The following GRID1 variants were observed in gnomAD, a reference collection of about 807,000 sequenced individuals.
The protein encoded by GRID1 is glutamate receptor ionotropic, delta-1.
GRID1 carries 28 observed loss-of-function variants against 98.0 expected under a neutral mutation model. The ratio of observed to expected loss-of-function variants is 0.29; its 90% CI spans 0.21 to 0.39. The LOEUF (loss-of-function observed/expected upper bound fraction) is 0.39. GRID1 is among the 10% of genes least tolerant of loss of function. GRID1 has a pLI of 1.00. For missense variants in GRID1, 1,111 were observed against 1,340.5 expected (o/e 0.83, Z 2.67); for synonymous variants, 553 against 538.5 (o/e 1.03, Z -0.37).
rs192310641 is a variant in GRID1, at chr10:85,860,180, A to G, written c.952-3990T>C. On this transcript the variant is annotated intron_variant, in intron 6 of 15. Transcript: ENST00000327946. ...TCCTTGCCTCCCTCCCTCATATTGT[A>G]GGTTATGCACAGTACAGAGTCCATT... Among the ~76,000 whole-genome samples the G allele has an allele frequency of 1.7e-4, 26 of 152,280 alleles. No homozygotes were observed. The East Asian group carries it at 4.4e-3, about 26-fold the overall frequency.
chr10:86,056,462 G>A (rs1414663524), intron 4 of GRID1, among the ~76,000 whole-genome samples: 1 of 152,088 alleles, frequency 6.6e-6, no homozygotes, highest in East Asian at 1.9e-4. Context: ...TCCAACCCGT[G>A]TCCCAAGGGT....
intron 2 of GRID1, among the ~76,000 whole-genome samples, chr10:86,324,957 A>G (rs1848026780): frequency 6.6e-6 from 1 of 152,218 alleles, no homozygotes; most frequent in Non-Finnish European, 1.5e-5. Context: ...TCAAGGTGGA[A>G]GCACTCAAAG....
intron 12 of GRID1, chr10:85,709,145 G>A: frequency 3.0e-6 from 1 of 333,618 alleles, no homozygotes; most frequent in South Asian, 3.4e-5. Context: ...AGGTGCTGCA[G>A]AGCATTCTTG....
chr10:85,639,789 C>G (rs1843093487), intron 13 of GRID1, among the ~76,000 whole-genome samples: 1 of 152,222 alleles, frequency 6.6e-6, no homozygotes, highest in Non-Finnish European at 1.5e-5. Context: ...AGGAGAATCG[C>G]TTGAACCTGG....
chr10:85,658,777 T>C (rs1209777966), intron 12 of GRID1, among the ~76,000 whole-genome samples: 4 of 152,060 alleles, frequency 2.6e-5, no homozygotes, highest in African/African-American at 4.8e-5. Flanking sequence ...AATGGACATA[T>C]AGAAGAGAGA....
chr10:86,211,157 A>G (rs1354782561), intron 2 of GRID1, among the ~76,000 whole-genome samples: 1 of 152,234 alleles, frequency 6.6e-6, no homozygotes, highest in Non-Finnish European at 1.5e-5. Context: ...GTGGACAGCC[A>G]TTCATGCTGC....
At chr10:86,335,169 G>C (rs1363949036) in intron 2 of GRID1, among the ~76,000 whole-genome samples, 1 of 152,244 alleles carries the variant, frequency 6.6e-6, no homozygotes, top group African/African-American at 2.4e-5. Context: ...GCTCCTCCGA[G>C]TTGATTTGCA....
At chr10:85,683,118 A>G (rs1841229591) in intron 12 of GRID1, among the ~76,000 whole-genome samples, 1 of 152,164 alleles carries the variant, frequency 6.6e-6, no homozygotes, top group African/African-American at 2.4e-5. Flanking sequence ...AGAAATTATA[A>G]CAGAGCTTCC....
chr10:86,263,691 CTATT>C (rs1847058059), intron 2 of GRID1, among the ~76,000 whole-genome samples: 1 of 152,160 alleles, frequency 6.6e-6, no homozygotes, highest in Non-Finnish European at 1.5e-5. Flanking sequence ...AATTGAGTCA[CTATT>C]TATAAAGTGC....
At chr10:86,147,020 T>A (rs1229168892) in intron 3 of GRID1, among the ~76,000 whole-genome samples, 1 of 152,136 alleles carries the variant, frequency 6.6e-6, no homozygotes, top group African/African-American at 2.4e-5. Context: ...CATCATAGGG[T>A]GACAAGGTCC....
intron 4 of GRID1, among the ~76,000 whole-genome samples, chr10:85,954,695 A>G (rs1250372447): frequency 6.6e-6 from 1 of 152,222 alleles, no homozygotes; most frequent in Non-Finnish European, 1.5e-5. Context: ...ACTTGTCCTT[A>G]TACAGCCTCC....
chr10:86,210,502 G>A (rs540652137), intron 2 of GRID1, among the ~76,000 whole-genome samples: 56 of 152,334 alleles, frequency 3.7e-4, no homozygotes, highest in Admixed American at 6.5e-4. Flanking sequence ...CTGAACAGAT[G>A]TCAGCCTCCT....
chr10:86,118,132 C>G (rs1844612788), intron 4 of GRID1, among the ~76,000 whole-genome samples: 1 of 152,072 alleles, frequency 6.6e-6, no homozygotes, highest in South Asian at 2.1e-4. Flanking sequence ...ACACACATCA[C>G]CATGGAATAC....
At chr10:86,021,522 A>AAGGAC (rs969349964) in intron 4 of GRID1, among the ~76,000 whole-genome samples, 6 of 151,942 alleles carry the variant, frequency 3.9e-5, no homozygotes, top group African/African-American at 1.5e-4. Context: ...TGTTTTTTAA[A>AAGGAC]AGGACTTCAT....
intron 4 of GRID1, among the ~76,000 whole-genome samples, chr10:85,924,077 G>T (rs1178671784): frequency 6.6e-6 from 1 of 152,148 alleles, no homozygotes; most frequent in Non-Finnish European, 1.5e-5. Context: ...ACAGCACCTG[G>T]CAGACAGTGA....
intron 4 of GRID1, among the ~76,000 whole-genome samples, chr10:86,002,806 G>A (rs1030767009): frequency 2.0e-5 from 3 of 152,180 alleles, no homozygotes; most frequent in African/African-American, 7.2e-5. Context: ...TTCCTCCATT[G>A]GTTTGTTTAT....
intron 4 of GRID1, among the ~76,000 whole-genome samples, chr10:86,008,228 C>G (rs990766425): frequency 2.0e-5 from 3 of 152,104 alleles, no homozygotes; most frequent in Non-Finnish European, 2.9e-5. Flanking sequence ...AAGGCAGGAA[C>G]AGGAACTGGG....
chr10:85,824,271 G>C lies in GRID1; in HGVS notation c.1233+30225C>G, dbSNP rs559733370. Among the ~76,000 whole-genome samples the C allele has an allele frequency of 3.3e-5, 5 of 152,292 alleles. No homozygotes were observed. In the East Asian group the frequency reaches 9.6e-4, roughly 29 times the overall value. On this transcript the variant is annotated intron_variant, in intron 8 of 15. Transcript: ENST00000327946. ...TCCGGCGAGAGACTGGAGTGCAGTG[G>C]TGCGATCTTGGCTCACTGCAACCTC...
chr10:86,262,134 AAGG>A (rs947568662), intron 2 of GRID1, among the ~76,000 whole-genome samples: 9 of 152,196 alleles, frequency 5.9e-5, no homozygotes, highest in African/African-American at 1.4e-4. Context: ...CACCTTCTAG[AAGG>A]AGGAGGAAGC....
Sources: allele counts gnomAD v4.1 joint callset (sites outside exome capture counted in the v4.1 genomes callset), GRCh38; gene constraint gnomAD v4.1.1; transcripts MANE v1.5; gene names NCBI Gene and HGNC (gene_info 2026-07-23, HGNC 2026-07-21).